HCN1: variants seen among roughly 807,000 people sequenced by gnomAD.
The protein encoded by HCN1 is hyperpolarization activated cyclic nucleotide gated potassium channel 1.
In HCN1, 13 loss-of-function variants were observed where a neutral mutation model predicts 78.9. The observed-to-expected ratio is 0.16, with a 90% CI of 0.11 to 0.26. The LOEUF is 0.26. Among genes scored for constraint, HCN1 ranks in the 10% least tolerant of loss-of-function variants. The pLI, the probability that HCN1 is intolerant of heterozygous loss-of-function variation, is 1.00. For synonymous variants in HCN1, 552 were observed against 455.5 expected, an observed-to-expected ratio of 1.21 and a Z score of -2.70; for missense variants, 810 against 1,154.3, an observed-to-expected ratio of 0.70 and a Z score of 4.32.
intron 2 of HCN1, among the ~76,000 whole-genome samples, chr5:45,596,357 AAT>A (rs1299258393): frequency 3.9e-5 from 6 of 152,252 alleles, no homozygotes; most frequent in Non-Finnish European, 7.3e-5. Flanking sequence ...TAATTAAAAA[AAT>A]AGTTATTCTA....
chr5:45,640,970 A>AT (rs1459820527), intron 2 of HCN1, among the ~76,000 whole-genome samples: 1 of 152,184 alleles, frequency 6.6e-6, no homozygotes, highest in African/African-American at 2.4e-5. Flanking sequence ...CACAAACAGA[A>AT]AAGAGTTGGG....
chr5:45,278,429 T>C (rs2111864168), intron 6 of HCN1, among the ~76,000 whole-genome samples: 1 of 152,294 alleles, frequency 6.6e-6, no homozygotes, highest in South Asian at 2.1e-4. Flanking sequence ...AAAGAAATCC[T>C]ATTACCACTG....
At chr5:45,371,942 TATATA>T (rs1293607181) in intron 4 of HCN1, among the ~76,000 whole-genome samples, 28 of 100,442 alleles carry the variant, frequency 2.8e-4, no homozygotes, top group African/African-American at 9.6e-4. Context: ...TTATATATAA[TATATA>T]ATATAATATA....
chr5:45,518,423 A>G (rs1212772461), intron 2 of HCN1, among the ~76,000 whole-genome samples: 2 of 151,978 alleles, frequency 1.3e-5, no homozygotes, highest in Admixed American at 1.3e-4. Context: ...TGATCACAGG[A>G]CTGGCAGGAT....
At chr5:45,570,808 T>C (rs1743812047) in intron 2 of HCN1, among the ~76,000 whole-genome samples, 1 of 152,154 alleles carries the variant, frequency 6.6e-6, no homozygotes, top group East Asian at 1.9e-4. Flanking sequence ...ATTCTAGAAT[T>C]AGATGTTTCT....
At chr5:45,671,764 A>G (rs1313088403) in intron 1 of HCN1, among the ~76,000 whole-genome samples, 1 of 151,614 alleles carries the variant, frequency 6.6e-6, no homozygotes, top group Non-Finnish European at 1.5e-5. Flanking sequence ...TTAAGACTGT[A>G]TATTTTATAA....
intron 2 of HCN1, among the ~76,000 whole-genome samples, chr5:45,638,729 C>T (rs1745399981): frequency 6.6e-6 from 1 of 152,116 alleles, no homozygotes; most frequent in Non-Finnish European, 1.5e-5. Context: ...ATGGTGAAAC[C>T]CTGTCTCTAC....
At chr5:45,559,840 GAA>G (rs904190472) in intron 2 of HCN1, 10 of 152,134 alleles carry the variant, frequency 6.6e-5, no homozygotes, top group African/African-American at 2.4e-4. Flanking sequence ...AATATTTTAT[GAA>G]AAAAAGTCAA....
chr5:45,495,770 G>T (rs989733761), intron 2 of HCN1, among the ~76,000 whole-genome samples: 90 of 152,198 alleles, frequency 5.9e-4, no homozygotes, highest in African/African-American at 1.7e-3. Flanking sequence ...TTTGAAATAC[G>T]TCCCATGAAT....
intron 6 of HCN1, among the ~76,000 whole-genome samples, chr5:45,294,172 G>A (rs1429707157): frequency 6.6e-6 from 1 of 151,970 alleles, no homozygotes; most frequent in Non-Finnish European, 1.5e-5. Context: ...CTGCAGATTG[G>A]CAGATGTTTC....
chr5:45,467,474 C>T (rs1396481135), intron 2 of HCN1, among the ~76,000 whole-genome samples: 3 of 152,078 alleles, frequency 2.0e-5, no homozygotes, highest in East Asian at 1.9e-4. Context: ...GGGCTCTGTC[C>T]TTTTCCACTG....
chr5:45,357,021 T>C (rs573441441), intron 4 of HCN1, among the ~76,000 whole-genome samples: 1 of 152,060 alleles, frequency 6.6e-6, no homozygotes, highest in Non-Finnish European at 1.5e-5. Context: ...GTAATTAGCC[T>C]TCATTTAGTA....
chr5:45,454,727 G>A (rs1158302478), intron 3 of HCN1, among the ~76,000 whole-genome samples: 1 of 151,888 alleles, frequency 6.6e-6, no homozygotes, highest in Non-Finnish European at 1.5e-5. Flanking sequence ...AGTTAAATGG[G>A]CTCTGTAAAC....
intron 3 of HCN1, among the ~76,000 whole-genome samples, chr5:45,413,755 T>G (rs1179393931): frequency 6.6e-6 from 1 of 152,046 alleles, no homozygotes; most frequent in Non-Finnish European, 1.5e-5. Flanking sequence ...TAGGAAAATT[T>G]TTATTTTAGA....
intron 5 of HCN1, among the ~76,000 whole-genome samples, chr5:45,326,587 T>C (rs1181473333): frequency 6.6e-6 from 1 of 151,678 alleles, no homozygotes; most frequent in African/African-American, 2.4e-5. Flanking sequence ...AAGTTATTTC[T>C]TTAACTGCTA....
intron 2 of HCN1, among the ~76,000 whole-genome samples, chr5:45,572,051 C>T (rs1339115173): frequency 1.3e-5 from 2 of 152,084 alleles, no homozygotes; most frequent in Non-Finnish European, 2.9e-5. Context: ...TAATAGAGAG[C>T]CTGATGGTTT....
chr5:45,594,224 CT>C (rs1188093852), intron 2 of HCN1, among the ~76,000 whole-genome samples: 2 of 152,152 alleles, frequency 1.3e-5, no homozygotes, highest in African/African-American at 4.8e-5. Context: ...TTTTCCATTG[CT>C]TTTTCAGATG....
chr5:45,422,906 G>A (rs1365120052), intron 3 of HCN1, among the ~76,000 whole-genome samples: 4 of 152,134 alleles, frequency 2.6e-5, no homozygotes, highest in Admixed American at 2.0e-4. Context: ...TGGGGGATTA[G>A]GTGAGGGTGG....
At chr5:45,509,457 A>G (rs1372786252) in intron 2 of HCN1, among the ~76,000 whole-genome samples, 1 of 152,178 alleles carries the variant, frequency 6.6e-6, no homozygotes, top group Non-Finnish European at 1.5e-5. Context: ...CCACATTCTA[A>G]GCCTGCATGC....
Sources: allele counts gnomAD v4.1 joint callset (sites outside exome capture counted in the v4.1 genomes callset), GRCh38; gene constraint gnomAD v4.1.1; transcripts MANE v1.5; gene names NCBI Gene and HGNC (gene_info 2026-07-23, HGNC 2026-07-21).